Variants in NGEF observed in about 807,000 individuals in gnomAD.
NGEF encodes ephexin-1.
In NGEF, 31 loss-of-function variants were observed where a neutral mutation model predicts 80.9. The ratio of observed to expected loss-of-function variants is 0.38; its 90% CI spans 0.29 to 0.52. The LOEUF (loss-of-function observed/expected upper bound fraction) is 0.52. Among genes scored for constraint, NGEF ranks in the 20% least tolerant of loss-of-function variants. The probability of loss-of-function intolerance (pLI) is 0.84; values close to 1 mark genes in which losing one functional copy is unlikely to be tolerated. For missense variants in NGEF, 709 were observed against 926.2 expected (o/e 0.77, Z 3.04); for synonymous variants, 371 against 370.2 (o/e 1.00, Z -0.03).
chr2:232,888,736 T>C (rs1691787804), intron 8 of NGEF, among the ~76,000 whole-genome samples: 1 of 152,202 alleles, frequency 6.6e-6, no homozygotes, highest in African/African-American at 2.4e-5. Flanking sequence ...AGGGCTTCCC[T>C]CTCCTCCCTG....
At chr2:232,906,624 A>G (rs1203775058) in intron 5 of NGEF, among the ~76,000 whole-genome samples, 2 of 64,514 alleles carry the variant, frequency 3.1e-5, no homozygotes, top group South Asian at 4.1e-4. Flanking sequence ...CTGCCCGGCC[A>G]CCCCTACTGG....
At chr2:232,993,149 G>A (rs1694690662) in intron 1 of NGEF, among the ~76,000 whole-genome samples, 9 of 21,980 alleles carry the variant, frequency 4.1e-4, no homozygotes, top group South Asian at 9.7e-3. Context: ...ATATATATAT[G>A]GGCAAATATA....
rs192006656 is a variant in NGEF, at chr2:232,951,979, T to A, written c.383+18235A>T. Among the ~76,000 whole-genome samples, 174 of 152,200 alleles carry A rather than the reference T, an allele frequency of 1.1e-3. 1 individual carries two copies. Among genetic ancestry groups the A allele is most frequent in the Admixed American group, 0.01 (160 of 15,276 alleles). ...CCACAGTTGAAGGGCAAAGGGAAAGTACAAAATGGTGAAGTCCAAGCACAC... is the reference window on the plus strand; with the variant it reads ...CCACAGTTGAAGGGCAAAGGGAAAGAACAAAATGGTGAAGTCCAAGCACAC... On this transcript the variant is annotated intron_variant, in intron 3 of 14. Transcript: ENST00000264051.
chr2:232,887,501 G>A (rs1359397501), intron 9 of NGEF, among the ~76,000 whole-genome samples: 1 of 152,242 alleles, frequency 6.6e-6, no homozygotes, highest in Non-Finnish European at 1.5e-5. Flanking sequence ...CGGGGACTGG[G>A]AGAGTGGCGT....
intron 5 of NGEF, among the ~76,000 whole-genome samples, chr2:232,908,518 AT>A (rs900408506): frequency 2.0e-5 from 3 of 151,338 alleles, no homozygotes; most frequent in Admixed American, 6.6e-5. Flanking sequence ...AGTGAGTTTG[AT>A]TTTTTTTCTT....
intron 10 of NGEF, among the ~76,000 whole-genome samples, chr2:232,884,677 C>A (rs543626714): frequency 6.6e-6 from 1 of 152,296 alleles, no homozygotes; most frequent in South Asian, 2.1e-4. Context: ...GACGATGCAA[C>A]TCAGGGGCAG....
chr2:232,922,146 G>A (rs1692960332), intron 4 of NGEF, among the ~76,000 whole-genome samples: 2 of 152,190 alleles, frequency 1.3e-5, no homozygotes, highest in Non-Finnish European at 2.9e-5. Context: ...TTGCAATAAG[G>A]ATAAATATAC....
intron 3 of NGEF, among the ~76,000 whole-genome samples, chr2:232,954,189 G>A (rs1258812655): frequency 1.3e-5 from 2 of 152,072 alleles, no homozygotes. Context: ...GCCCTCTCAA[G>A]CTGGGCCCTG....
At chr2:232,992,534 G>C (rs1010186067) in intron 1 of NGEF, among the ~76,000 whole-genome samples, 17 of 151,968 alleles carry the variant, frequency 1.1e-4, no homozygotes, top group African/African-American at 4.1e-4. Flanking sequence ...CTCCAGCCTG[G>C]ATGAGACTGT....
At chr2:232,973,293 T>C (rs191504571) in intron 2 of NGEF, among the ~76,000 whole-genome samples, 1 of 152,188 alleles carries the variant, frequency 6.6e-6, no homozygotes, top group Admixed American at 6.5e-5. Flanking sequence ...TTCAAACATA[T>C]GGAAAAGTTG....
At chr2:233,011,193 G>T (rs1254732639) in intron 1 of NGEF, among the ~76,000 whole-genome samples, 1 of 152,132 alleles carries the variant, frequency 6.6e-6, no homozygotes, top group Non-Finnish European at 1.5e-5. Flanking sequence ...GGCCACCATT[G>T]TCCCATCTGT....
chr2:232,886,625 A>T (rs544077941), intron 9 of NGEF, among the ~76,000 whole-genome samples: 1 of 147,184 alleles, frequency 6.8e-6, no homozygotes, highest in Admixed American at 6.8e-5. Context: ...TCATTTTTAA[A>T]AAAAAAAGCT....
intron 3 of NGEF, among the ~76,000 whole-genome samples, chr2:232,942,505 C>A (rs963443140): frequency 3.3e-5 from 5 of 152,150 alleles, no homozygotes; most frequent in Admixed American, 2.6e-4. Context: ...CTTTTCCTTT[C>A]ACTTATTAAC....
intron 2 of NGEF, among the ~76,000 whole-genome samples, chr2:232,973,874 T>C (rs910667565): frequency 2.0e-5 from 3 of 152,186 alleles, no homozygotes; most frequent in Non-Finnish European, 4.4e-5. Context: ...GTTTAATGAA[T>C]GTTTTTGAAT....
At chr2:232,886,092 G>A (rs1691673047) in intron 9 of NGEF, among the ~76,000 whole-genome samples, 1 of 80,920 alleles carries the variant, frequency 1.2e-5, no homozygotes, top group Non-Finnish European at 2.6e-5. Context: ...TGGTGTGTGT[G>A]CTGTGTGTGC....
At chr2:232,926,947 A>G (rs912278804) in intron 4 of NGEF, 97 bp downstream of exon 4, 8 of 1,500,486 alleles carry the variant, frequency 5.3e-6, no homozygotes, top group African/African-American at 4.2e-5. Flanking sequence ...AGTCCTTCGT[A>G]TGAAACACAA....
At chr2:232,959,221 T>G (rs2106312621) in intron 3 of NGEF, among the ~76,000 whole-genome samples, 1 of 152,328 alleles carries the variant, frequency 6.6e-6, no homozygotes, top group African/African-American at 2.4e-5. Flanking sequence ...TTTATCCTGT[T>G]TGGATTTTAT....
chr2:232,955,037 A>C lies in NGEF; in HGVS notation c.383+15177T>G, dbSNP rs182721384. On this transcript the variant is annotated intron_variant, in intron 3 of 14. Coordinates refer to ENST00000264051, the MANE Select transcript of NGEF (RefSeq NM_019850.3). ...CCTATTCATATTCTAACTCTCCCCAACTTAAGATGAGGACACTGAGGCAGA... is the reference window on the plus strand; with the variant it reads ...CCTATTCATATTCTAACTCTCCCCACCTTAAGATGAGGACACTGAGGCAGA... 1.8e-4 allele frequency among the ~76,000 whole-genome samples: 28 copies of C among 152,280 alleles called. No homozygotes were observed. In the East Asian group the frequency reaches 5.4e-3, roughly 29 times the overall value.
At chr2:232,906,055 G>A (rs1438076662) in intron 5 of NGEF, among the ~76,000 whole-genome samples, 1 of 130,310 alleles carries the variant, frequency 7.7e-6, no homozygotes, top group Non-Finnish European at 1.7e-5. Context: ...CAGCCGCCCC[G>A]TCCGGGAGGG....
Sources: gnomAD v4.1 joint callset for allele counts (sites outside exome capture counted in the v4.1 genomes callset) on GRCh38, gnomAD v4.1.1 for gene constraint, MANE v1.5 for transcripts, NCBI Gene and HGNC (gene_info 2026-07-23, HGNC 2026-07-21) for gene names.